Variants in RASGRP3 observed in about 807,000 individuals in gnomAD.
The protein encoded by RASGRP3 is RAS guanyl releasing protein 3.
RASGRP3 carries 54 observed loss-of-function variants against 82.7 expected under a neutral mutation model. That is an observed-to-expected ratio of 0.65 (90% CI 0.52 to 0.82). RASGRP3 has a LOEUF of 0.82. RASGRP3 is among the 40% of genes least tolerant of loss of function. The pLI is 0.00. For synonymous variants in RASGRP3, 309 were observed against 300.5 expected (o/e 1.03, Z -0.29); for missense variants, 861 against 828.9 (o/e 1.04, Z -0.48).
chr2:33,451,143 T>G, intron 2 of RASGRP3, among the ~76,000 whole-genome samples: 1 of 152,006 alleles, frequency 6.6e-6, no homozygotes. Context: ...GGATTACAGG[T>G]GTGAGCCACC....
In RASGRP3 at chr2:33,562,742, A is replaced by G; in HGVS notation, c.*5A>G. The G allele has an allele frequency of 6.2e-7, 1 of 1,613,562 alleles. No homozygotes were observed. The highest frequency in any genetic ancestry group is 8.5e-7 in the Non-Finnish European group (1 of 1,179,476). On this transcript the variant is annotated 3_prime_UTR_variant, in exon 18 of 18. Transcript: ENST00000403687. ...TTTGTGTTTCAGGATGGCTGACTTCAGGCTGCGGAAACTGAAGGCAATAAT... is the reference window on the plus strand; with the variant it reads ...TTTGTGTTTCAGGATGGCTGACTTCGGGCTGCGGAAACTGAAGGCAATAAT...
rs1192250311 is a variant in RASGRP3 at position 33,561,315 on chromosome 2, C to A, written c.2065-1414C>A. 2.6e-5 allele frequency among the ~76,000 whole-genome samples: 4 copies of A among 152,156 alleles called. 1 individual carries two copies. Among genetic ancestry groups the A allele is most frequent in the Non-Finnish European group, 5.9e-5 (4 of 68,026 alleles). ...CTCCTGACCTCAGGTATTCTACCTGCCTCAAACTCCCAAAGTGCTAGGATT... is the reference window on the plus strand; with the variant it reads ...CTCCTGACCTCAGGTATTCTACCTGACTCAAACTCCCAAAGTGCTAGGATT... On this transcript the variant is annotated intron_variant, in intron 17 of 17. Transcript: ENST00000403687.
At chr2:33,509,577 C>T (rs1012462902) in intron 1 of RASGRP3, among the ~76,000 whole-genome samples, 3 of 152,292 alleles carry the variant, frequency 2.0e-5, no homozygotes, top group Middle Eastern at 3.4e-3. Flanking sequence ...AATGTCTTTT[C>T]GATTTCTCAT....
At chr2:33,538,995 C>A in intron 11 of RASGRP3, 99 bp from the exon 12 acceptor site, 1 of 794,986 alleles carries the variant, frequency 1.3e-6, no homozygotes, top group Non-Finnish European at 2.0e-6. Flanking sequence ...GCCGAAATTA[C>A]ACCACTGCAC....
At chr2:33,517,956 C>A (rs1373412493) in intron 4 of RASGRP3, among the ~76,000 whole-genome samples, 3 of 152,138 alleles carry the variant, frequency 2.0e-5, no homozygotes, top group African/African-American at 7.2e-5. Context: ...GGCATATACA[C>A]AAGCTCAATA....
chr2:33,525,410 T>G (rs1672446970), intron 9 of RASGRP3, among the ~76,000 whole-genome samples: 2 of 151,968 alleles, frequency 1.3e-5, no homozygotes, highest in South Asian at 4.1e-4. Context: ...TTTATTTTCA[T>G]GACATGATAG....
At chr2:33,495,736 A>G (rs1669248571) in intron 1 of RASGRP3, among the ~76,000 whole-genome samples, 1 of 152,194 alleles carries the variant, frequency 6.6e-6, no homozygotes, top group Admixed American at 6.5e-5. Context: ...TTAAAATAAA[A>G]AAAGAACAAT....
chr2:33,528,958 C>T (rs925560304), intron 10 of RASGRP3, among the ~76,000 whole-genome samples: 2 of 152,174 alleles, frequency 1.3e-5, no homozygotes, highest in Non-Finnish European at 2.9e-5. Context: ...AGACTGCAGA[C>T]CTACAGCCAC....
chr2:33,467,086 A>G (rs542777877), intron 2 of RASGRP3, among the ~76,000 whole-genome samples: 11 of 152,068 alleles, frequency 7.2e-5, no homozygotes, highest in African/African-American at 2.7e-4. Flanking sequence ...ATATTAATAA[A>G]TTCTACTTGG....
rs60914898 is a variant in RASGRP3 at position 33,465,969 on chromosome 2, C to CA, written c.-261+18043dup. Among the ~76,000 whole-genome samples, 380 of 130,342 alleles carry CA rather than the reference C, an allele frequency of 2.9e-3. 1 individual carries two copies. The highest frequency in any genetic ancestry group is 6.3e-3 in the East Asian group (27 of 4,264). The allele number at this position is 130,342 out of a possible 152,430, so 85.5% of individuals were successfully genotyped here. A position where few individuals can be genotyped will look rare whatever the true frequency, so the allele number is the denominator to read the frequency against. ...AACCCCACTGTTGAGACTTACTGCT[C>CA]AAAAAAAAAAAAAAAAAGGAAGGAT... is the stretch of plus-strand genomic sequence containing the variant. On this transcript the variant is annotated intron_variant, in intron 2 of 18. Transcript: ENST00000402538.
chr2:33,494,823 A>T (rs1669169303), intron 1 of RASGRP3, among the ~76,000 whole-genome samples: 1 of 152,250 alleles, frequency 6.6e-6, no homozygotes, highest in African/African-American at 2.4e-5. Context: ...AAAAGAATAA[A>T]CCAGAAATCT....
At chr2:33,545,080 A>T (rs1213267903) in intron 13 of RASGRP3, among the ~76,000 whole-genome samples, 1 of 152,224 alleles carries the variant, frequency 6.6e-6, no homozygotes, top group African/African-American at 2.4e-5. Flanking sequence ...TAGGACATTG[A>T]CTTAAAATAA....
At position 33,484,010 on chromosome 2, in the gene RASGRP3, TA is replaced by T. The variant is rs369709497; in HGVS notation, c.-261+7313del. 4.5e-4 allele frequency among the ~76,000 whole-genome samples: 67 copies of T among 149,612 alleles called. No individual in the cohort carries two copies. The East Asian group carries it at 0.01, about 23-fold the overall frequency. On this transcript the variant is annotated intron_variant, in intron 1 of 17. Coordinates refer to ENST00000403687, the MANE Select transcript of RASGRP3 (RefSeq NM_001139488.2). ...AATCTGTGATGGAATCAGACTCCAT[TA>T]AAAAAAAAATTGGCTTAGTCACTTC... is the stretch of plus-strand genomic sequence containing the variant.
chr2:33,458,757 A>G (rs926248427), intron 2 of RASGRP3, among the ~76,000 whole-genome samples: 1 of 152,206 alleles, frequency 6.6e-6, no homozygotes, highest in Non-Finnish European at 1.5e-5. Flanking sequence ...AAAGTATAAT[A>G]AAGTATTTTT....
intron 1 of RASGRP3, among the ~76,000 whole-genome samples, chr2:33,483,631 G>T (rs980269259): frequency 5.9e-5 from 9 of 151,806 alleles, no homozygotes; most frequent in African/African-American, 2.2e-4. Context: ...TGCGACTATA[G>T]GCACCTGCCA....
chr2:33,553,267 T>G lies in RASGRP3; in HGVS notation c.1543-2264T>G, dbSNP rs142843028. ...CTCAAGTGACACATTCTTCTTTCCC[T>G]CACTAGCTATGAGACCTTGCCAAGG... is the stretch of plus-strand genomic sequence containing the variant. On this transcript the variant is annotated intron_variant, in intron 14 of 17. Transcript: ENST00000403687. Among the ~76,000 whole-genome samples the G allele has an allele frequency of 5.4e-3, 817 of 152,282 alleles. 6 individuals carry two copies. Among genetic ancestry groups the G allele is most frequent in the African/African-American group, 0.019 (783 of 41,546 alleles).
intron 1 of RASGRP3, among the ~76,000 whole-genome samples, chr2:33,444,108 G>A (rs771578412): frequency 3.9e-5 from 6 of 152,020 alleles, no homozygotes; most frequent in Non-Finnish European, 5.9e-5. Context: ...TTCAAGAACA[G>A]CCTGGGCAGC....
upstream of RASGRP3, among the ~76,000 whole-genome samples, chr2:33,474,485 T>C (rs146715023): frequency 2.3e-3 from 354 of 152,304 alleles, 8 homozygotes; most frequent in East Asian, 0.028. Context: ...GTATTTTTAG[T>C]AGAGACAGGG....
At chr2:33,456,907 T>TG in intron 2 of RASGRP3, among the ~76,000 whole-genome samples, 1 of 149,634 alleles carries the variant, frequency 6.7e-6, no homozygotes, top group African/African-American at 2.5e-5. Flanking sequence ...GCTTTCTATT[T>TG]TTTTTTTTTT....
Sources: gnomAD v4.1 joint callset for allele counts (sites outside exome capture counted in the v4.1 genomes callset) on GRCh38, gnomAD v4.1.1 for gene constraint, MANE v1.5 for transcripts, NCBI Gene and HGNC (gene_info 2026-07-23, HGNC 2026-07-21) for gene names.